SNX30: variants seen among roughly 807,000 people sequenced by gnomAD.
SNX30 encodes the protein sorting nexin family member 30.
A neutral mutation model predicts 46.4 loss-of-function variants in SNX30; 24 were observed. The observed-to-expected ratio is 0.52, with a 90% CI of 0.37 to 0.73. The LOEUF is 0.73. Among genes scored for constraint, SNX30 ranks in the 30% least tolerant of loss-of-function variants. SNX30 has a pLI of 0.00. For missense variants in SNX30, 533 were observed against 555.7 expected (o/e 0.96, Z 0.41); for synonymous variants, 189 against 211.5 (o/e 0.89, Z 0.92).
At chr9:112,779,439 G>A (rs939652698) in intron 1 of SNX30, among the ~76,000 whole-genome samples, 4 of 152,182 alleles carry the variant, frequency 2.6e-5, no homozygotes, top group African/African-American at 9.7e-5. Flanking sequence ...GCGCATGCCT[G>A]TAATCCCAGC....
At chr9:112,775,061 G>A (rs1839717935) in intron 1 of SNX30, among the ~76,000 whole-genome samples, 1 of 151,232 alleles carries the variant, frequency 6.6e-6, no homozygotes, top group Non-Finnish European at 1.5e-5. Flanking sequence ...GGTCAGCCTG[G>A]TCTCAAACTC....
At chr9:112,775,878 G>A (rs787283) in intron 1 of SNX30, among the ~76,000 whole-genome samples, 121,374 of 150,652 alleles carry the variant, frequency 0.81, 48,818 homozygotes, top group South Asian at 0.87. Context: ...TTCCATATTA[G>A]CACATAGAGA....
At chr9:112,876,712 G>A (rs1004567046), downstream of SNX30, among the ~76,000 whole-genome samples, 1 of 151,956 alleles carries the variant, frequency 6.6e-6, no homozygotes, top group Non-Finnish European at 1.5e-5. Context: ...CGAGGCAGGT[G>A]GATCATTTGA....
At chr9:112,820,922 A>G (rs1413890675) in intron 3 of SNX30, among the ~76,000 whole-genome samples, 4 of 152,162 alleles carry the variant, frequency 2.6e-5, no homozygotes, top group Non-Finnish European at 2.9e-5. Context: ...CATTTTGTCT[A>G]TTCACCCTTG....
downstream of SNX30, among the ~76,000 whole-genome samples, chr9:112,884,825 T>C (rs556849740): frequency 3.3e-4 from 50 of 152,204 alleles, no homozygotes; most frequent in Non-Finnish European, 3.1e-4. Context: ...TGTTGATTTT[T>C]GGGTTTTGTT....
chr9:112,832,430 A>AAGAGAG (rs144673731), intron 4 of SNX30, among the ~76,000 whole-genome samples: 4,654 of 78,734 alleles, frequency 0.059, 126 homozygotes, highest in Middle Eastern at 0.12. Context: ...ATAAGTAGGA[A>AAGAGAG]AGAGAGAGAG....
At chr9:112,881,140 G>C (rs1030719467) in intron 5 of SNX30, among the ~76,000 whole-genome samples, 2 of 152,198 alleles carry the variant, frequency 1.3e-5, no homozygotes, top group Admixed American at 6.5e-5. Context: ...AATTAGGTCT[G>C]AACTGAAGTC....
At chr9:112,763,363 T>C (rs1839475718) in intron 1 of SNX30, among the ~76,000 whole-genome samples, 2 of 68,332 alleles carry the variant, frequency 2.9e-5, no homozygotes, top group African/African-American at 1.1e-4. Flanking sequence ...ATTTAAACTT[T>C]TTTTTTTTTT....
chr9:112,798,223 A>G (rs1840146060), intron 1 of SNX30, among the ~76,000 whole-genome samples: 1 of 86,258 alleles, frequency 1.2e-5, no homozygotes, highest in Admixed American at 1.3e-4. Flanking sequence ...GGTGCACTGC[A>G]CCCACTAATG....
intron 3 of SNX30, among the ~76,000 whole-genome samples, chr9:112,825,953 A>G (rs1840573640): frequency 6.6e-6 from 1 of 152,146 alleles, no homozygotes. Flanking sequence ...ACAGGAGGAA[A>G]TTCTGCTTGC....
intron 8 of SNX30, among the ~76,000 whole-genome samples, chr9:112,864,715 C>T (rs535885312): frequency 2.6e-4 from 39 of 152,186 alleles, no homozygotes; most frequent in African/African-American, 8.7e-4. Context: ...ATGCTGCCAC[C>T]GAATGGAGGC....
At chr9:112,767,812 C>T (rs899165987) in intron 1 of SNX30, among the ~76,000 whole-genome samples, 1 of 152,038 alleles carries the variant, frequency 6.6e-6, no homozygotes, top group Non-Finnish European at 1.5e-5. Context: ...GTTGTCCATG[C>T]TGGTCTCAAA....
chr9:112,883,349 G>A (rs963285646), downstream of SNX30, among the ~76,000 whole-genome samples: 8 of 152,142 alleles, frequency 5.3e-5, no homozygotes, highest in Admixed American at 4.6e-4. Context: ...GATACCAGGT[G>A]CAATGCATGT....
chr9:112,786,934 A>G (rs1839938859), intron 1 of SNX30, among the ~76,000 whole-genome samples: 1 of 152,136 alleles, frequency 6.6e-6, no homozygotes, highest in African/African-American at 2.4e-5. Flanking sequence ...TTTAACTATG[A>G]TCAGACTCTT....
intron 6 of SNX30, among the ~76,000 whole-genome samples, chr9:112,848,984 G>A (rs991378434): frequency 1.3e-5 from 2 of 152,204 alleles, no homozygotes; most frequent in African/African-American, 4.8e-5. Flanking sequence ...TAGTTAGGAG[G>A]CTCTTGCCAC....
At chr9:112,760,796 G>T (rs528546048) in intron 1 of SNX30, among the ~76,000 whole-genome samples, 112 of 152,308 alleles carry the variant, frequency 7.4e-4, no homozygotes, top group South Asian at 3.3e-3. Context: ...TTTACCTGAG[G>T]AGTAGGGAGA....
intron 7 of SNX30, among the ~76,000 whole-genome samples, chr9:112,857,390 A>T (rs1383693864): frequency 6.6e-6 from 1 of 152,174 alleles, no homozygotes; most frequent in Non-Finnish European, 1.5e-5. Context: ...GCTCAAATAG[A>T]CACTGAAAAC....
intron 1 of SNX30, among the ~76,000 whole-genome samples, chr9:112,777,914 A>G (rs1225792551): frequency 6.6e-6 from 1 of 152,172 alleles, no homozygotes; most frequent in Non-Finnish European, 1.5e-5. Flanking sequence ...CCCCAAAACT[A>G]AGTAGGTTAA....
At chr9:112,866,488 A>G (rs1039107881) in intron 8 of SNX30, 5 of 470,696 alleles carry the variant, frequency 1.1e-5, no homozygotes, top group African/African-American at 2.0e-5. Flanking sequence ...TACAAAGTCC[A>G]TTGCAGATCT....
Sources: gnomAD v4.1 joint callset for allele counts (sites outside exome capture counted in the v4.1 genomes callset) on GRCh38, gnomAD v4.1.1 for gene constraint, MANE v1.5 for transcripts, NCBI Gene and HGNC (gene_info 2026-07-23, HGNC 2026-07-21) for gene names.